SLC9A3: variants seen among roughly 807,000 people sequenced by gnomAD.
The protein encoded by SLC9A3 is sodium/hydrogen exchanger 3.
SLC9A3 carries 37 observed loss-of-function variants against 86.8 expected under a neutral mutation model. That is an observed-to-expected ratio of 0.43 (90% CI 0.33 to 0.56). SLC9A3 has a LOEUF of 0.56. Among genes scored for constraint, SLC9A3 ranks in the 20% least tolerant of loss-of-function variants. The probability of loss-of-function intolerance (pLI) is 0.06; values close to 1 mark genes in which losing one functional copy is unlikely to be tolerated. For missense variants in SLC9A3, 1,011 were observed against 1,171.9 expected (o/e 0.86, Z 2.00); for synonymous variants, 581 against 528.3 (o/e 1.10, Z -1.37).
At position 521,243 on chromosome 5, in the gene SLC9A3, C is replaced by CAGTGGCTGGTG. The variant is rs563444365; in HGVS notation, c.211+2868_211+2869insCACCAGCCACT. On this transcript the variant is annotated intron_variant, in intron 1 of 16. Coordinates refer to ENST00000264938, the MANE Select transcript of SLC9A3 (RefSeq NM_004174.4). ...GGAGCCCTTGCCGGAGCCAGACACG[C>CAGTGGCTGGTG]GGCCTGAGGCTGGTGGGCCAACAGC... 5.4e-3 allele frequency among the ~76,000 whole-genome samples: 827 copies of CAGTGGCTGGTG among 152,374 alleles called. 3 individuals are homozygous for CAGTGGCTGGTG. The highest frequency in any genetic ancestry group is 0.01 in the Middle Eastern group (3 of 294).
chr5:491,455 C>G lies in SLC9A3; in HGVS notation c.514+314G>C, dbSNP rs1160583150. Among the ~76,000 whole-genome samples, 2 of 152,062 alleles carry G rather than the reference C, an allele frequency of 1.3e-5. No homozygotes were observed. Among genetic ancestry groups the G allele is most frequent in the Non-Finnish European group, 2.9e-5 (2 of 68,006 alleles). Reference sequence around the variant, plus strand: ...TCCTCCTCTCCCTGGGACCTGGTGGCCGGCGAGTGTGGACGGACCCCTACC... The same window carrying G: ...TCCTCCTCTCCCTGGGACCTGGTGGGCGGCGAGTGTGGACGGACCCCTACC... On this transcript the variant is annotated intron_variant, in intron 2 of 16. Coordinates refer to ENST00000264938, the MANE Select transcript of SLC9A3 (RefSeq NM_004174.4). This position sits in a 1 kb window ranked among gnomAD's most constrained non-coding sequence, Gnocchi z 9.2.
intron 5 of SLC9A3, among the ~76,000 whole-genome samples, chr5:484,067 T>C (rs1220708297): frequency 1.3e-5 from 2 of 152,058 alleles, no homozygotes; most frequent in African/African-American, 2.4e-5. Context: ...CCCTCCGAGT[T>C]GGGGTCCCCC....
chr5:476,749 C>A, intron 11 of SLC9A3, 77 bp from the exon 12 acceptor site: 1 of 1,550,114 alleles, frequency 6.5e-7, no homozygotes, highest in South Asian at 1.1e-5. Context: ...CTTCCCACGG[C>A]GGGCATCTGG....
intron 1 of SLC9A3, among the ~76,000 whole-genome samples, chr5:508,513 G>A (rs1579818272): frequency 7.0e-6 from 1 of 143,296 alleles, no homozygotes. Context: ...GATGCCGCAG[G>A]GAGACACAGC....
intron 5 of SLC9A3, 151 bp from the exon 6 acceptor site, chr5:483,633 C>A (rs552790203): frequency 1.5e-6 from 1 of 653,370 alleles, no homozygotes; most frequent in Admixed American, 2.8e-5. Context: ...CAGGCTGGGC[C>A]GCCAGGGTTC....
At chr5:522,843 G>A (rs113047272) in intron 1 of SLC9A3, among the ~76,000 whole-genome samples, 19 of 152,198 alleles carry the variant, frequency 1.2e-4, no homozygotes, top group African/African-American at 2.9e-4. Flanking sequence ...CTGGGCGGCC[G>A]CAGAGCCCAG....
At chr5:477,648 A>C (rs1215894999) in intron 10 of SLC9A3, among the ~76,000 whole-genome samples, 1 of 152,190 alleles carries the variant, frequency 6.6e-6, no homozygotes, top group African/African-American at 2.4e-5. Flanking sequence ...TGTCCGTCTG[A>C]GGCCACAGCC....
chr5:476,958 ACCCCAGCAT>A (rs1738782939), intron 11 of SLC9A3: 1 of 528,730 alleles, frequency 1.9e-6, no homozygotes. Context: ...AGACTCGGGG[ACCCCAGCAT>A]CTGCACATCT....
chr5:503,647 T>C (rs1306157488), intron 1 of SLC9A3, among the ~76,000 whole-genome samples: 1 of 152,212 alleles, frequency 6.6e-6, no homozygotes, highest in Non-Finnish European at 1.5e-5. Flanking sequence ...TTTATAGATT[T>C]GAGAAATTTT....
rs1239768488 is a variant in SLC9A3, at chr5:500,450, C to T, written c.212-8379G>A. On this transcript the variant is annotated intron_variant, in intron 1 of 16. Coordinates refer to ENST00000264938, the MANE Select transcript of SLC9A3 (RefSeq NM_004174.4). ...GGACACAGGAAACACACACCAAGCA[C>T]GGAGAGGCCAGGCGGGCCGGTGTGG... 7.2e-5 allele frequency among the ~76,000 whole-genome samples: 11 copies of T among 152,116 alleles called. No homozygotes were observed. In the East Asian group the frequency reaches 1.5e-3, roughly 21 times the overall value.
rs1738398443 is a variant in SLC9A3, at chr5:472,234, G to T, written c.*1145C>A. Reference sequence around the variant, plus strand: ...CAGAGGACCAGGAGCTCTGTCCAAGGCCTCGCCCTGGGACGCTGGAAGGGG... The same window carrying T: ...CAGAGGACCAGGAGCTCTGTCCAAGTCCTCGCCCTGGGACGCTGGAAGGGG... On this transcript the variant is annotated 3_prime_UTR_variant, in exon 17 of 17. Coordinates refer to ENST00000264938, the MANE Select transcript of SLC9A3 (RefSeq NM_004174.4). The T allele has an allele frequency of 5.6e-6, 2 of 357,036 alleles. No homozygotes were observed. Among genetic ancestry groups the T allele is most frequent in the Non-Finnish European group, 1.1e-5 (2 of 181,834 alleles). The allele number at this position is 357,036 out of a possible 1,614,324, so 22.1% of individuals were successfully genotyped here.
chr5:472,252 G>C lies in SLC9A3; in HGVS notation c.*1127C>G, dbSNP rs1260774499. On this transcript the variant is annotated 3_prime_UTR_variant, in exon 17 of 17. Coordinates refer to ENST00000264938, the MANE Select transcript of SLC9A3 (RefSeq NM_004174.4). ...GTCCAAGGCCTCGCCCTGGGACGCT[G>C]GAAGGGGTGGGAAGGGTCAGGGGTC... is the stretch of plus-strand genomic sequence containing the variant. 2 of 352,672 alleles carry C rather than the reference G, an allele frequency of 5.7e-6. No individual in the cohort carries two copies. Among genetic ancestry groups the C allele is most frequent in the African/African-American group, 4.3e-5 (2 of 46,668 alleles). 21.8% of individuals were successfully genotyped at this position (352,672 alleles called of 1,614,324 possible).
intron 10 of SLC9A3, chr5:479,468 C>T (rs1739010551): frequency 4.0e-6 from 1 of 249,254 alleles, no homozygotes; most frequent in Non-Finnish European, 8.0e-6. Context: ...TGTGCGTGTG[C>T]ACCTGTGGGC....
chr5:489,200 G>A (rs1047733897), intron 2 of SLC9A3, among the ~76,000 whole-genome samples: 1 of 152,226 alleles, frequency 6.6e-6, no homozygotes, highest in Admixed American at 6.5e-5. Context: ...GGCCCCGAGA[G>A]TCTGCCCTCT....
chr5:475,306 C>T (rs571510429), intron 15 of SLC9A3, 174 bp from the exon 16 acceptor site: 4 of 654,754 alleles, frequency 6.1e-6, no homozygotes, highest in African/African-American at 3.6e-5. Flanking sequence ...CCCCACACGC[C>T]ACAGGCAGCA....
intron 1 of SLC9A3, among the ~76,000 whole-genome samples, chr5:492,667 G>GA (rs1314129620): frequency 3.3e-5 from 5 of 151,906 alleles, no homozygotes; most frequent in Non-Finnish European, 5.9e-5. Flanking sequence ...GTCGGGGGGG[G>GA]GCCTCTGACC....
chr5:524,045 G>GC (rs1733962062), intron 1 of SLC9A3, 67 bp downstream of exon 1: 1 of 1,104,098 alleles, frequency 9.1e-7, no homozygotes, highest in African/African-American at 1.7e-5. Flanking sequence ...CCACAACGAA[G>GC]CCCCCAGGCC....
chr5:504,546 C>A (rs558152438), intron 1 of SLC9A3, among the ~76,000 whole-genome samples: 1 of 152,158 alleles, frequency 6.6e-6, no homozygotes, highest in Admixed American at 6.5e-5. Flanking sequence ...ACACAGCAAG[C>A]GGCCAGATCT....
At chr5:506,963 CG>C (rs1444713067) in intron 1 of SLC9A3, among the ~76,000 whole-genome samples, 1 of 149,284 alleles carries the variant, frequency 6.7e-6, no homozygotes. Context: ...CCCAGCTACT[CG>C]GGAGGCTGAG....
Sources: gnomAD v4.1 joint callset for allele counts (sites outside exome capture counted in the v4.1 genomes callset) on GRCh38, gnomAD v4.1.1 for gene constraint, Gnocchi (gnomAD v3.1) non-coding constraint, MANE v1.5 for transcripts, NCBI Gene and HGNC (gene_info 2026-07-23, HGNC 2026-07-21) for gene names.